Variants in PIEZO2 observed in about 807,000 individuals in gnomAD.
PIEZO2 encodes the protein piezo-type mechanosensitive ion channel component 2.
PIEZO2 carries 172 observed loss-of-function variants against 337.3 expected under a neutral mutation model. The observed-to-expected ratio is 0.51, with a 90% CI of 0.45 to 0.58. The LOEUF (loss-of-function observed/expected upper bound fraction) is 0.58. Among genes scored for constraint, PIEZO2 ranks in the 20% least tolerant of loss-of-function variants. The probability of loss-of-function intolerance (pLI) is 0.00; values close to 1 mark genes in which losing one functional copy is unlikely to be tolerated. For synonymous variants in PIEZO2, 1,251 were observed against 1,228.5 expected (o/e 1.02, Z -0.38); for missense variants, 3,028 against 3,391.3 (o/e 0.89, Z 2.66).
At chr18:10,974,610 G>T (rs555786920) in intron 3 of PIEZO2, among the ~76,000 whole-genome samples, 1 of 152,206 alleles carries the variant, frequency 6.6e-6, no homozygotes, top group African/African-American at 2.4e-5. Context: ...GCTCCGTAAA[G>T]ATGGGGGAAG....
chr18:11,066,756 C>T (rs769887539), intron 1 of PIEZO2, among the ~76,000 whole-genome samples: 1 of 152,118 alleles, frequency 6.6e-6, no homozygotes, highest in Admixed American at 6.5e-5. Context: ...CACCCCACCA[C>T]GCCTGGCTAA....
rs1204756537 is a variant in PIEZO2, at chr18:10,969,134, C to T, written c.286+10401G>A. Among the ~76,000 whole-genome samples, 1 of 152,174 alleles carries T rather than the reference C, an allele frequency of 6.6e-6. No individual in the cohort carries two copies. The highest frequency in any genetic ancestry group is 1.9e-4 in the East Asian group (1 of 5,200). On this transcript the variant is annotated intron_variant, in intron 3 of 55. Transcript: ENST00000674853. This position sits in a 1 kb window ranked among gnomAD's most constrained non-coding sequence, Gnocchi z 4.5. ...TTTCAAATGCCTTTGAAATGTCCTT[C>T]CATATTCCATAAATTTGGAAACATA...
In PIEZO2 at chr18:10,905,684, C is replaced by T. The variant is rs2043158691; in HGVS notation, c.329+5502G>A. Among the ~76,000 whole-genome samples the T allele has an allele frequency of 2.0e-5, 3 of 151,824 alleles. No individual in the cohort carries two copies. The South Asian group carries it at 6.3e-4, about 32-fold the overall frequency. The stretch of plus-strand genomic sequence containing the variant: ...CCCATGGCAGTGTGGTGCCTGAGTA[C>T]TGTGAGTTGTAGTGACAAATGACAC... On this transcript the variant is annotated intron_variant, in intron 4 of 55. Transcript: ENST00000674853.
chr18:10,733,579 G>T (rs2036875157), intron 35 of PIEZO2, among the ~76,000 whole-genome samples: 1 of 151,842 alleles, frequency 6.6e-6, no homozygotes, highest in African/African-American at 2.4e-5. Context: ...CTCCCGAGTA[G>T]CTGGGACTAC....
At position 11,112,199 on chromosome 18, in the gene PIEZO2, G is replaced by C. The variant is rs552310116; in HGVS notation, c.64+36326C>G. 6.6e-6 allele frequency among the ~76,000 whole-genome samples: 1 copy of C among 152,274 alleles called. No homozygotes were observed. The highest frequency in any genetic ancestry group is 1.9e-4 in the East Asian group (1 of 5,182). On this transcript the variant is annotated intron_variant, in intron 1 of 55. Coordinates refer to ENST00000674853, the MANE Select transcript of PIEZO2 (RefSeq NM_001378183.1). The surrounding 1 kb of genome is among the most constrained non-coding windows in gnomAD (Gnocchi z 4.3). ...ATTTAAGTAATCCTCTAGGTATTTT[G>C]TATCTACAGGATCAGATATTCGGAT...
Position 10,950,119 on chromosome 18 carries a change from A to G in PIEZO2, c.286+29416T>C, listed in dbSNP as rs150241729. Among the ~76,000 whole-genome samples the G allele has an allele frequency of 2.4e-3, 372 of 152,348 alleles. 5 individuals are homozygous for G. Among genetic ancestry groups the G allele is most frequent in the African/African-American group, 8.8e-3 (367 of 41,582 alleles). The stretch of plus-strand genomic sequence containing the variant: ...TCTAAAAATGTTGGCAGTACCCTAT[A>G]TATTTTAATGAGGGTTAATATTGAA... On this transcript the variant is annotated intron_variant, in intron 3 of 55. Transcript: ENST00000674853.
Position 11,148,485 on chromosome 18 carries a change from C to T in PIEZO2, c.64+40G>A. Reference sequence around the variant, plus strand: ...AAGTCCCCCACCCAGGCGCCCCCCTCGTCCTCCTCAAGTGCCCTCGGAAAG... The same window carrying T: ...AAGTCCCCCACCCAGGCGCCCCCCTTGTCCTCCTCAAGTGCCCTCGGAAAG... On this transcript the variant is annotated intron_variant, in intron 1 of 55. Transcript: ENST00000674853. This position sits in a 1 kb window ranked among gnomAD's most constrained non-coding sequence, Gnocchi z 5.2. The T allele has an allele frequency of 1.3e-6, 2 of 1,534,262 alleles. No individual in the cohort carries two copies. Among genetic ancestry groups the T allele is most frequent in the East Asian group, 4.9e-5 (2 of 40,858 alleles).
rs9956118 is a variant in PIEZO2 at position 10,767,189 on chromosome 18, T to C, written c.2946+2959A>G. Among the ~76,000 whole-genome samples, 1 of 152,032 alleles carries C rather than the reference T, an allele frequency of 6.6e-6. No individual in the cohort carries two copies. The highest frequency in any genetic ancestry group is 6.5e-5 in the Admixed American group (1 of 15,270). The stretch of plus-strand genomic sequence containing the variant: ...AAAAGGAGGAGAAAATGTTTATGTA[T>C]ACTATATATATATTTAAATCTAGAT... On this transcript the variant is annotated intron_variant, in intron 21 of 55. Coordinates refer to ENST00000674853, the MANE Select transcript of PIEZO2 (RefSeq NM_001378183.1). This position sits in a 1 kb window ranked among gnomAD's most constrained non-coding sequence, Gnocchi z 4.2.
chr18:11,087,044 G>C (rs979673155), intron 1 of PIEZO2, among the ~76,000 whole-genome samples: 6 of 152,114 alleles, frequency 3.9e-5, no homozygotes, highest in Non-Finnish European at 8.8e-5. Context: ...GAGGTGATGA[G>C]GTCATACACG....
At chr18:10,696,574 G>T (rs1241106701) in intron 45 of PIEZO2, 35 bp from the exon 46 acceptor site, 5 of 1,610,252 alleles carry the variant, frequency 3.1e-6, no homozygotes, top group Non-Finnish European at 4.2e-6. Flanking sequence ...CAACCCACTT[G>T]TTTCAGGAAG....
At chr18:10,753,477 C>T (rs187879951) in intron 27 of PIEZO2, among the ~76,000 whole-genome samples, 282 of 152,288 alleles carry the variant, frequency 1.9e-3, no homozygotes, top group African/African-American at 6.4e-3. Context: ...AAGGTGAGGC[C>T]AGCGTTCCGG....
intron 39 of PIEZO2, among the ~76,000 whole-genome samples, chr18:10,708,660 A>G (rs2035689156): frequency 6.6e-6 from 1 of 152,206 alleles, no homozygotes; most frequent in Admixed American, 6.5e-5. Flanking sequence ...CATATTGGCT[A>G]GTGACACATT....
At position 11,021,039 on chromosome 18, in the gene PIEZO2, A is replaced by G. The variant is rs1598839767; in HGVS notation, c.161-41379T>C. Among the ~76,000 whole-genome samples, 1 of 152,232 alleles carries G rather than the reference A, an allele frequency of 6.6e-6. No homozygotes were observed. Among genetic ancestry groups the G allele is most frequent in the African/African-American group, 2.4e-5 (1 of 41,462 alleles). On this transcript the variant is annotated intron_variant, in intron 2 of 55. Transcript: ENST00000674853. The surrounding 1 kb of genome is among the most constrained non-coding windows in gnomAD (Gnocchi z 4.7). ...CATTCCTGCTCAGCAGAAAAGCACT[A>G]ACCCTCATGGAGTCACTGTAGGAAG...
rs1176323645 is a variant in PIEZO2 at position 11,105,373 on chromosome 18, A to G, written c.65-39151T>C. On this transcript the variant is annotated intron_variant, in intron 1 of 55. Transcript: ENST00000674853. The surrounding 1 kb of genome is among the most constrained non-coding windows in gnomAD (Gnocchi z 4.3). ...AACCACACAACTAAACTCGACAAGA[A>G]TATGTTCCATTTGTAATAAATCTAT... 6.6e-6 allele frequency among the ~76,000 whole-genome samples: 1 copy of G among 152,196 alleles called. No homozygotes were observed. The highest frequency in any genetic ancestry group is 1.5e-5 in the Non-Finnish European group (1 of 68,038).
chr18:10,726,743 T>C lies in PIEZO2; in HGVS notation c.5029+4664A>G. ...TGCATTCTGGGACATCGCCAGACCA[T>C]CGATTTCCCGCTGCTGACCTCACTG... On this transcript the variant is annotated intron_variant, in intron 36 of 55. Coordinates refer to ENST00000674853, the MANE Select transcript of PIEZO2 (RefSeq NM_001378183.1). The surrounding 1 kb of genome is among the most constrained non-coding windows in gnomAD (Gnocchi z 5.9). 1 of 1,463,560 alleles carries C rather than the reference T, an allele frequency of 6.8e-7. No individual in the cohort carries two copies. The highest frequency in any genetic ancestry group is 9.6e-7 in the Non-Finnish European group (1 of 1,046,916). The allele number at this position is 1,463,560 out of a possible 1,614,324, so 90.7% of individuals were successfully genotyped here.
At chr18:11,130,783 G>T (rs541140064) in intron 1 of PIEZO2, among the ~76,000 whole-genome samples, 1 of 152,170 alleles carries the variant, frequency 6.6e-6, no homozygotes, top group African/African-American at 2.4e-5. Context: ...AGAGGCACAT[G>T]GCCTGTTTGG....
intron 54 of PIEZO2, among the ~76,000 whole-genome samples, chr18:10,674,042 T>C (rs1313377919): frequency 6.6e-6 from 1 of 152,188 alleles, no homozygotes; most frequent in Admixed American, 6.5e-5. Flanking sequence ...ATGGTAGGAA[T>C]CCAAGAATGG....
intron 5 of PIEZO2, among the ~76,000 whole-genome samples, chr18:10,857,651 T>G (rs2041744686): frequency 1.3e-5 from 2 of 152,332 alleles, no homozygotes; most frequent in African/African-American, 4.8e-5. Flanking sequence ...AATTCTGGTT[T>G]TTTTCTAAGT....
intron 39 of PIEZO2, among the ~76,000 whole-genome samples, chr18:10,710,142 T>A (rs1372877491): frequency 6.6e-6 from 1 of 152,230 alleles, no homozygotes; most frequent in Non-Finnish European, 1.5e-5. Flanking sequence ...CTCCTGCAGC[T>A]TTGCTCAGGT....
Sources: allele counts gnomAD v4.1 joint callset (sites outside exome capture counted in the v4.1 genomes callset), GRCh38; gene constraint gnomAD v4.1.1; non-coding constraint Gnocchi (gnomAD v3.1); transcripts MANE v1.5; gene names NCBI Gene and HGNC (gene_info 2026-07-23, HGNC 2026-07-21).